The following ITFG1 variants were observed in gnomAD, a reference collection of about 807,000 sequenced individuals.
The protein encoded by ITFG1 is integrin alpha FG-GAP repeat containing 1.
Under a neutral mutation model 81.8 loss-of-function variants are expected in ITFG1, and 34 were observed. The ratio of observed to expected loss-of-function variants is 0.42; its 90% CI spans 0.32 to 0.55. The LOEUF (loss-of-function observed/expected upper bound fraction) is 0.55, where lower values mean the gene tolerates loss of function less well. Among genes scored for constraint, ITFG1 ranks in the 20% least tolerant of loss-of-function variants. The pLI is 0.17. For synonymous variants in ITFG1, 285 were observed against 270.6 expected, an observed-to-expected ratio of 1.05 and a Z score of -0.52; for missense variants, 672 against 755.4, an observed-to-expected ratio of 0.89 and a Z score of 1.29.
intron 14 of ITFG1, among the ~76,000 whole-genome samples, chr16:47,164,036 T>C (rs879414291): frequency 1.3e-5 from 2 of 152,102 alleles, no homozygotes; most frequent in Non-Finnish European, 2.9e-5. Flanking sequence ...TTTAAAGAGA[T>C]GTGTATTAGC....
chr16:47,416,411 C>T (rs1300510796), intron 6 of ITFG1, among the ~76,000 whole-genome samples: 1 of 152,048 alleles, frequency 6.6e-6, no homozygotes, highest in African/African-American at 2.4e-5. Flanking sequence ...TTTTCTTCAA[C>T]AGGAAGTTCT....
intron 14 of ITFG1, among the ~76,000 whole-genome samples, chr16:47,172,316 C>G (rs1333082891): frequency 6.6e-6 from 1 of 152,156 alleles, no homozygotes; most frequent in Non-Finnish European, 1.5e-5. Flanking sequence ...AAAACCCTGT[C>G]TCTACTAAAA....
intron 10 of ITFG1, among the ~76,000 whole-genome samples, chr16:47,276,890 T>C (rs966273261): frequency 7.2e-5 from 11 of 152,196 alleles, no homozygotes; most frequent in Non-Finnish European, 1.2e-4. Context: ...AGCCTACATA[T>C]GAAAAGTAAA....
At chr16:47,311,008 G>C (rs918586799) in intron 10 of ITFG1, among the ~76,000 whole-genome samples, 6 of 149,128 alleles carry the variant, frequency 4.0e-5, no homozygotes, top group African/African-American at 1.5e-4. Context: ...GTTTGCTTTA[G>C]ACTAAATGTT....
intron 6 of ITFG1, among the ~76,000 whole-genome samples, chr16:47,424,940 C>A (rs966483359): frequency 6.6e-5 from 10 of 152,140 alleles, no homozygotes; most frequent in African/African-American, 2.4e-4. Context: ...AGTTGGAACG[C>A]CACGCTGAGA....
chr16:47,263,711 A>G (rs1246955329), intron 10 of ITFG1, among the ~76,000 whole-genome samples: 2 of 152,134 alleles, frequency 1.3e-5, no homozygotes, highest in African/African-American at 4.8e-5. Context: ...AAGGTACTCT[A>G]CTCACTACTT....
At chr16:47,183,846 A>G (rs375350132) in intron 14 of ITFG1, among the ~76,000 whole-genome samples, 6 of 152,310 alleles carry the variant, frequency 3.9e-5, no homozygotes, top group East Asian at 1.9e-4. Flanking sequence ...TCTGAGCTAC[A>G]GGAGGACATT....
chr16:47,188,436 A>G (rs1302651639), intron 14 of ITFG1, among the ~76,000 whole-genome samples: 1 of 151,104 alleles, frequency 6.6e-6, no homozygotes, highest in Non-Finnish European at 1.5e-5. Context: ...TGCAGTCATA[A>G]AAAATGATGA....
At chr16:47,375,983 C>T in intron 6 of ITFG1, 43 bp from the exon 7 acceptor site, 1 of 1,160,836 alleles carries the variant, frequency 8.6e-7, no homozygotes, top group Middle Eastern at 2.0e-4. Context: ...TGTAGTCTTA[C>T]TGATGTGTAC....
At chr16:47,180,429 C>T (rs1466115532) in intron 14 of ITFG1, among the ~76,000 whole-genome samples, 2 of 152,000 alleles carry the variant, frequency 1.3e-5, no homozygotes, top group African/African-American at 4.8e-5. Flanking sequence ...CCCTCTGATG[C>T]CGAGCCAAAG....
intron 8 of ITFG1, among the ~76,000 whole-genome samples, chr16:47,318,487 T>C (rs1967399951): frequency 6.6e-6 from 1 of 152,160 alleles, no homozygotes; most frequent in Non-Finnish European, 1.5e-5. Context: ...ATTATATCTG[T>C]AGTATAAATT....
rs1233863318 is a variant in ITFG1, at chr16:47,447,255, T to C, written c.560+4141A>G. On this transcript the variant is annotated intron_variant, in intron 5 of 17. Transcript: ENST00000320640. ...CCCAAACAAGGAAACAAAGTTTTAATACATTCCAATAAAAGGAAATGTTAC... is the reference window on the plus strand; with the variant it reads ...CCCAAACAAGGAAACAAAGTTTTAACACATTCCAATAAAAGGAAATGTTAC... Among the ~76,000 whole-genome samples, 4 of 152,300 alleles carry C rather than the reference T, an allele frequency of 2.6e-5. No homozygotes were observed. In the East Asian group the frequency reaches 7.7e-4, roughly 29 times the overall value.
intron 14 of ITFG1, among the ~76,000 whole-genome samples, chr16:47,175,395 A>AT (rs1965012454): frequency 6.6e-6 from 1 of 151,614 alleles, no homozygotes; most frequent in Non-Finnish European, 1.5e-5. Context: ...TTAATTAAAT[A>AT]AACAAGAAAA....
intron 14 of ITFG1, among the ~76,000 whole-genome samples, chr16:47,211,825 T>C (rs574090586): frequency 6.6e-6 from 1 of 152,214 alleles, no homozygotes; most frequent in Non-Finnish European, 1.5e-5. Flanking sequence ...GATTTTTTAA[T>C]CTTGAACTGG....
At chr16:47,337,021 T>C (rs1262196085) in intron 8 of ITFG1, among the ~76,000 whole-genome samples, 1 of 145,512 alleles carries the variant, frequency 6.9e-6, no homozygotes, top group Non-Finnish European at 1.5e-5. Context: ...TGTGGGCACA[T>C]GTAATCCCAG....
At chr16:47,232,702 T>C (rs1350919793) in intron 13 of ITFG1, among the ~76,000 whole-genome samples, 1 of 151,780 alleles carries the variant, frequency 6.6e-6, no homozygotes, top group Non-Finnish European at 1.5e-5. Flanking sequence ...AGTGCAGTGG[T>C]GTGATCATGG....
chr16:47,386,124 A>G (rs1291530850), intron 6 of ITFG1, among the ~76,000 whole-genome samples: 2 of 152,228 alleles, frequency 1.3e-5, no homozygotes, highest in Non-Finnish European at 2.9e-5. Flanking sequence ...CTGGAATGAC[A>G]GTGTGATCCC....
intron 12 of ITFG1, among the ~76,000 whole-genome samples, chr16:47,252,370 AAAG>A (rs1966086488): frequency 6.6e-6 from 1 of 152,218 alleles, no homozygotes; most frequent in African/African-American, 2.4e-5. Flanking sequence ...AAAAAAGAAA[AAAG>A]AAAGCTTTCC....
At chr16:47,381,403 C>T (rs1968394374) in intron 6 of ITFG1, among the ~76,000 whole-genome samples, 2 of 152,080 alleles carry the variant, frequency 1.3e-5, no homozygotes, top group South Asian at 2.1e-4. Context: ...TTTTGAGTTC[C>T]TGCATGAAGA....
Sources: allele counts gnomAD v4.1 joint callset (sites outside exome capture counted in the v4.1 genomes callset), GRCh38; gene constraint gnomAD v4.1.1; transcripts MANE v1.5; gene names NCBI Gene and HGNC (gene_info 2026-07-23, HGNC 2026-07-21).